The following ITPRIPL1 variants were observed in gnomAD, a reference collection of about 807,000 sequenced individuals.
ITPRIPL1 encodes the protein ITPRIP like 1, also known as inositol 1,4,5-trisphosphate receptor-interacting protein-like 1.
In ITPRIPL1, 28 loss-of-function variants were observed where a neutral mutation model predicts 40.0. The ratio of observed to expected loss-of-function variants is 0.70; its 90% CI spans 0.52 to 0.96. The LOEUF is 0.96. ITPRIPL1 is among the 40% of genes least tolerant of loss of function. ITPRIPL1 has a pLI of 0.00. For synonymous variants in ITPRIPL1, 251 were observed against 275.7 expected (o/e 0.91, Z 0.89); for missense variants, 638 against 698.0 (o/e 0.91, Z 0.97).
At chr2:96,326,082 C>T (rs1227476391) in intron 2 of ITPRIPL1, 25 of 1,297,820 alleles carry the variant, frequency 1.9e-5, no homozygotes, top group Non-Finnish European at 2.5e-5. Flanking sequence ...CACTGTGCCT[C>T]TCTTGCGCTC....
At position 96,327,774 on chromosome 2, in the gene ITPRIPL1, T is replaced by G; in HGVS notation, c.1143T>G (p.Ser381Arg). The G allele has an allele frequency of 6.2e-7, 1 of 1,613,986 alleles. No individual in the cohort carries two copies. Among genetic ancestry groups the G allele is most frequent in the Non-Finnish European group, 8.5e-7 (1 of 1,179,940 alleles). Reference protein sequence around the residue: ...QREDTLVYLVSQAPDQEQLTS... With the variant: ...QREDTLVYLVRQAPDQEQLTS... The stretch of plus-strand genomic sequence containing the variant: ...AAGACACCTTGGTCTACCTGGTGAG[T>G]CAGGCTCCTGACCAGGAGCAGCTCA... Residue 381 changes from serine to arginine, a missense_variant, in exon 3 of 3, where the codon AGT becomes AGG. Ser to Arg is a moderately radical substitution (Grantham distance 110, BLOSUM62 -1). Transcript: ENST00000439118.
At chr2:96,328,371 C>T (rs548308757), downstream of ITPRIPL1, 2 of 1,446,916 alleles carry the variant, frequency 1.4e-6, no homozygotes, top group East Asian at 2.3e-5. Flanking sequence ...GTTTACTTTT[C>T]AGATATATCA....
chr2:96,328,457 G>C (rs1374582165), downstream of ITPRIPL1: 2 of 698,854 alleles, frequency 2.9e-6, no homozygotes, highest in Non-Finnish European at 4.7e-6. Flanking sequence ...GTGGTCATGA[G>C]GATGGGCATA....
intron 2 of ITPRIPL1, chr2:96,326,064 G>A: frequency 8.7e-7 from 1 of 1,143,152 alleles, no homozygotes. Context: ...GTAGCAAGCA[G>A]CTGGCGGCAC....
Position 96,327,175 on chromosome 2 carries a change from G to C in ITPRIPL1, c.544G>C (p.Asp182His). The C allele has an allele frequency of 6.2e-7, 1 of 1,614,150 alleles. No individual in the cohort carries two copies. Among genetic ancestry groups the C allele is most frequent in the South Asian group, 1.1e-5 (1 of 91,070 alleles). Residue 182 changes from aspartate to histidine, a missense_variant, in exon 3 of 3, where the codon GAC becomes CAC. Asp to His is a moderately conservative substitution (Grantham distance 81). Coordinates refer to ENST00000439118, the MANE Select transcript of ITPRIPL1 (RefSeq NM_001008949.3). ...YKHYVQNAIR[D>H]LPCTCEFVES... The stretch of plus-strand genomic sequence containing the variant: ...ACACTATGTCCAAAATGCCATCCGT[G>C]ACCTGCCCTGCACCTGTGAGTTTGT...
chr2:96,326,440 C>T, intron 2 of ITPRIPL1: 1 of 1,548,512 alleles, frequency 6.5e-7, no homozygotes, highest in Non-Finnish European at 8.7e-7. Flanking sequence ...GACTGAGTGG[C>T]ACATCCTTTC....
Position 96,327,865 on chromosome 2 carries a change from T to G in ITPRIPL1, c.1234T>G (p.Phe412Val). ...CCTGTTCCTGAAGCTGGTGGGGCGC[T>G]TTGCCCCCGAGAACACCTGTCACCT... ...EHLFLKLVGR[F>V]APENTCHLKC... Residue 412 changes from phenylalanine (F) to valine (V), a missense_variant, in exon 3 of 3, where the codon TTT becomes GTT. Phe to Val is a conservative substitution (Grantham distance 50). Coordinates refer to ENST00000439118, the MANE Select transcript of ITPRIPL1 (RefSeq NM_001008949.3). 6.2e-7 allele frequency: 1 copy of G among 1,613,958 alleles called. No individual in the cohort carries two copies.
downstream of ITPRIPL1, chr2:96,329,225 C>G (rs2064144575): frequency 7.7e-6 from 1 of 130,444 alleles, no homozygotes; most frequent in Admixed American, 8.3e-5. Flanking sequence ...ATTTTCTTAA[C>G]TTAGCCCTAT....
chr2:96,326,964 C>A lies in ITPRIPL1; in HGVS notation c.333C>A (p.Asn111Lys), dbSNP rs1440589792. ...GGCCTCTGGGCTGGATGCTGGGAAA[C>A]CTGTGGAACACTGGCCTCTTTTGCC... ...QEGPLGWMLGNLWNTGLFCLF... is the reference protein window; with the variant it reads ...QEGPLGWMLGKLWNTGLFCLF... The change falls in exon 3 of 3, where the codon AAC becomes AAA. Residue 111 changes from asparagine (N) to lysine (K), a missense_variant. Coordinates refer to ENST00000439118, the MANE Select transcript of ITPRIPL1 (RefSeq NM_001008949.3). 1.9e-6 allele frequency: 3 copies of A among 1,614,104 alleles called. No homozygotes were observed. Among genetic ancestry groups the A allele is most frequent in the Non-Finnish European group, 2.5e-6 (3 of 1,180,048 alleles).
rs115597301 is a variant in ITPRIPL1 at position 96,327,409 on chromosome 2, C to T, written c.778C>T (p.Arg260Cys). 2,956 of 1,613,780 alleles carry T rather than the reference C, an allele frequency of 1.8e-3. 2 individuals carry two copies. The highest frequency in any genetic ancestry group is 2.3e-3 in the Non-Finnish European group (2,712 of 1,179,842). Residue 260 changes from arginine to cysteine, a missense_variant, in exon 3 of 3, where the codon CGC (arginine) becomes TGC (cysteine). Arg to Cys is a radical substitution (Grantham distance 180). Transcript: ENST00000439118. ...GGAGATGAGGGACCCAGCCCTGGGCCGCCGCTGTGGCTGTGTGCTGGTGGA... is the reference window on the plus strand; with the variant it reads ...GGAGATGAGGGACCCAGCCCTGGGCTGCCGCTGTGGCTGTGTGCTGGTGGA... ...VLEMRDPALG[R>C]RCGCVLVESE... is the part of the protein sequence containing the mutation.
Position 96,328,169 on chromosome 2 carries a change from C to T in ITPRIPL1, c.1538C>T (p.Ala513Val). The T allele has an allele frequency of 3.1e-6, 5 of 1,614,118 alleles. No individual in the cohort carries two copies. Among genetic ancestry groups the T allele is most frequent in the Non-Finnish European group, 4.2e-6 (5 of 1,180,020 alleles). Residue 513 changes from alanine (A) to valine (V), a missense_variant, in exon 3 of 3, where the codon GCT becomes GTT. By Grantham distance (64) the Ala-to-Val change is moderately conservative. Coordinates refer to ENST00000439118, the MANE Select transcript of ITPRIPL1 (RefSeq NM_001008949.3). Reference protein sequence around the residue: ...TIPIPKTFRNAEPVNLFQHLV... With the variant: ...TIPIPKTFRNVEPVNLFQHLV... ...CCAATCCCTAAGACATTTAGGAATG[C>T]TGAGCCGGTCAATCTCTTCCAACAC... is the stretch of plus-strand genomic sequence containing the variant.
At position 96,326,830 on chromosome 2, in the gene ITPRIPL1, G is replaced by C; in HGVS notation, c.199G>C (p.Glu67Gln). 6.2e-7 allele frequency: 1 copy of C among 1,614,202 alleles called. No individual in the cohort carries two copies. The highest frequency in any genetic ancestry group is 8.5e-7 in the Non-Finnish European group (1 of 1,180,036). ...GTTTGAAGAGAGAAAGCGAGCCGCT[G>C]AGCAGAGGCAGAAGGCAGAGAACTT... Reference protein sequence around the residue: ...MEFEERKRAAEQRQKAENFWT... With the variant: ...MEFEERKRAAQQRQKAENFWT... Residue 67 changes from glutamate to glutamine, a missense_variant, in exon 3 of 3, where the codon GAG (glutamate) becomes CAG (glutamine). Coordinates refer to ENST00000439118, the MANE Select transcript of ITPRIPL1 (RefSeq NM_001008949.3).
At chr2:96,329,292 G>A (rs983832484), downstream of ITPRIPL1, 7 of 148,222 alleles carry the variant, frequency 4.7e-5, no homozygotes, top group East Asian at 2.0e-4. Flanking sequence ...TAATTTATTC[G>A]CATTGATTCA....
At position 96,327,663 on chromosome 2, in the gene ITPRIPL1, AC is replaced by A. The variant is rs1392432822; in HGVS notation, c.1034del (p.Pro345ArgfsTer36). On this transcript the variant is annotated frameshift_variant, in exon 3 of 3. Transcript: ENST00000439118. LOFTEE classifies it high-confidence loss of function. ...AGTATGACTTTAAACTCAGTCTCCC[AC>A]CGTCTACCACCTCCTGCAAGCTCCG... is the stretch of plus-strand genomic sequence containing the variant. ...HKYDFKLSLP[P>X]STTSCKLRLD... 1 of 1,613,020 alleles carries A rather than the reference AC, an allele frequency of 6.2e-7. No homozygotes were observed. The highest frequency in any genetic ancestry group is 1.7e-5 in the Admixed American group (1 of 59,822).
At chr2:96,326,086 T>C in intron 2 of ITPRIPL1, 1 of 1,308,092 alleles carries the variant, frequency 7.6e-7, no homozygotes, top group Admixed American at 2.0e-5. Context: ...GTGCCTCTCT[T>C]GCGCTCCCTG....
chr2:96,327,547 GCT>G lies in ITPRIPL1; in HGVS notation c.921_922del (p.Cys308HisfsTer30), dbSNP rs1162036664. The stretch of plus-strand genomic sequence containing the variant: ...GAAGTGTAGTAGCTCCATCAAGGCA[GCT>G]CTCTGCACCGGCTTCCACCTAGACG... Reference protein sequence around the residue: ...LGKCSSSIKAALCTGFHLDVC... With the variant: ...LGKCSSSIKAXLCTGFHLDVC... On this transcript the variant is annotated frameshift_variant, in exon 3 of 3. Coordinates refer to ENST00000439118, the MANE Select transcript of ITPRIPL1 (RefSeq NM_001008949.3). LOFTEE classifies it high-confidence loss of function. The G allele has an allele frequency of 6.2e-7, 1 of 1,613,468 alleles. No homozygotes were observed. Among genetic ancestry groups the G allele is most frequent in the African/African-American group, 1.3e-5 (1 of 74,892 alleles).
Position 96,326,695 on chromosome 2 carries a change from G to A in ITPRIPL1, c.64G>A (p.Val22Ile), listed in dbSNP as rs1436810797. The A allele has an allele frequency of 6.2e-7, 1 of 1,614,148 alleles. No homozygotes were observed. Among genetic ancestry groups the A allele is most frequent in the African/African-American group, 1.3e-5 (1 of 74,942 alleles). Reference sequence around the variant, plus strand: ...CCTGCTGTTCTTGGCAGTGATGTATGTTGTTCACCACCCTCTGATGGTCAG... The same window carrying A: ...CCTGCTGTTCTTGGCAGTGATGTATATTGTTCACCACCCTCTGATGGTCAG... ...ISLLFLAVMY[V>I]VHHPLMVSDR... The change falls in exon 3 of 3, where the codon GTT becomes ATT. Residue 22 changes from valine (V) to isoleucine (I), a missense_variant. By Grantham distance (29) the Val-to-Ile change is conservative. Coordinates refer to ENST00000439118, the MANE Select transcript of ITPRIPL1 (RefSeq NM_001008949.3).
Position 96,327,223 on chromosome 2 carries a change from A to G in ITPRIPL1, c.592A>G (p.Ile198Val). ...EFVESFVDDL[I>V]EACRVLSRQE... ...TGTGGAGAGTTTTGTGGATGATCTCATTGAGGCCTGTCGGGTGCTCAGCCG... is the reference window on the plus strand; with the variant it reads ...TGTGGAGAGTTTTGTGGATGATCTCGTTGAGGCCTGTCGGGTGCTCAGCCG... The change falls in exon 3 of 3, where the codon ATT (isoleucine) becomes GTT (valine). Residue 198 changes from isoleucine (I) to valine (V), a missense_variant. Coordinates refer to ENST00000439118, the MANE Select transcript of ITPRIPL1 (RefSeq NM_001008949.3). 1 of 1,612,548 alleles carries G rather than the reference A, an allele frequency of 6.2e-7. No homozygotes were observed. Among genetic ancestry groups the G allele is most frequent in the Non-Finnish European group, 8.5e-7 (1 of 1,178,666 alleles).
Position 96,326,940 on chromosome 2 carries a change from G to T in ITPRIPL1, c.309G>T (p.Gly103=), listed in dbSNP as rs1158804602. The T allele has an allele frequency of 6.2e-7, 1 of 1,614,158 alleles. No individual in the cohort carries two copies. The highest frequency in any genetic ancestry group is 1.3e-5 in the African/African-American group (1 of 74,960). ...GWPFQADGQE[G]PLGWMLGNLW... ...CGTTCCAGGCCGATGGCCAGGAAGG[G>T]CCTCTGGGCTGGATGCTGGGAAACC... Residue 103 remains glycine (G), a synonymous_variant, in exon 3 of 3, where the codon GGG becomes GGT. Coordinates refer to ENST00000439118, the MANE Select transcript of ITPRIPL1 (RefSeq NM_001008949.3).
Sources: gnomAD v4.1 joint callset for allele counts on GRCh38, gnomAD v4.1.1 for gene constraint, MANE v1.5 for transcripts, NCBI Gene and HGNC (gene_info 2026-07-23, HGNC 2026-07-21) for gene names.